The following SLC17A1 variants were observed in gnomAD, a reference collection of about 807,000 sequenced individuals.
SLC17A1 encodes solute carrier family 17 member 1, also known as sodium-dependent phosphate transport protein 1.
SLC17A1 carries 51 observed loss-of-function variants against 53.5 expected under a neutral mutation model. The ratio of observed to expected loss-of-function variants is 0.95; its 90% CI spans 0.76 to 1.20. The LOEUF (loss-of-function observed/expected upper bound fraction) is 1.20. Ranked by LOEUF, SLC17A1 falls within the 50% of genes most tolerant of loss-of-function variation. SLC17A1 has a pLI of 0.00. For synonymous variants in SLC17A1, 179 were observed against 198.8 expected, an observed-to-expected ratio of 0.90 and a Z score of 0.84; for missense variants, 538 against 568.2, an observed-to-expected ratio of 0.95 and a Z score of 0.54.
the SLC17A1 span, chr6:25,726,497 C>CT: frequency 2.5e-6 from 4 of 1,611,592 alleles, no homozygotes; most frequent in East Asian, 8.9e-5. Flanking sequence ...TTGGCGCGTG[C>CT]TTTTCCTCCC....
At chr6:25,795,951 A>C (rs1368924550) in intron 12 of SLC17A1, among the ~76,000 whole-genome samples, 1 of 152,216 alleles carries the variant, frequency 6.6e-6, no homozygotes, top group Non-Finnish European at 1.5e-5. Flanking sequence ...CATAAAAAGA[A>C]AAATGGATAG....
chr6:25,781,682 G>A (rs1380403081), downstream of SLC17A1, among the ~76,000 whole-genome samples: 3 of 152,126 alleles, frequency 2.0e-5, no homozygotes, highest in East Asian at 5.8e-4. Context: ...TGGTGAGACA[G>A]GAAGCTGGGA....
the SLC17A1 span, among the ~76,000 whole-genome samples, chr6:25,740,209 G>A: frequency 1.3e-5 from 2 of 152,092 alleles, no homozygotes; most frequent in Non-Finnish European, 2.9e-5. Flanking sequence ...ATTTTATGAA[G>A]AGAAATGTAA....
the SLC17A1 span, chr6:25,726,834 G>C: frequency 2.7e-6 from 4 of 1,500,692 alleles, no homozygotes; most frequent in Non-Finnish European, 3.6e-6. Context: ...TAATACTGAA[G>C]AGCTGTTGAG....
chr6:25,731,218 A>C, the SLC17A1 span, among the ~76,000 whole-genome samples: 2 of 152,222 alleles, frequency 1.3e-5, no homozygotes, highest in Admixed American at 1.3e-4. Context: ...AGTTAGCCTG[A>C]TCACTTTTCA....
the SLC17A1 span, chr6:25,726,135 C>A: frequency 6.6e-7 from 1 of 1,525,114 alleles, no homozygotes; most frequent in Non-Finnish European, 8.8e-7. Context: ...CCTTAAGTTA[C>A]TTGCTTTGGG....
chr6:25,827,041 CAG>C (rs1764774857), intron 2 of SLC17A1, among the ~76,000 whole-genome samples: 1 of 151,878 alleles, frequency 6.6e-6, no homozygotes, highest in African/African-American at 2.4e-5. Flanking sequence ...ATGCCCAATG[CAG>C]AGAAAAAAAT....
At chr6:25,831,523 T>G (rs764895559) in intron 1 of SLC17A1, among the ~76,000 whole-genome samples, 4 of 152,010 alleles carry the variant, frequency 2.6e-5, no homozygotes, top group Non-Finnish European at 4.4e-5. Flanking sequence ...ACATACAACA[T>G]AAACACATGG....
the SLC17A1 span, chr6:25,773,395 T>C: frequency 3.1e-6 from 5 of 1,613,296 alleles, no homozygotes; most frequent in East Asian, 1.1e-4. Context: ...GCTCAGCAGG[T>C]ACATTGAGGA....
At chr6:25,776,667 TTTC>T in the SLC17A1 span, 1 of 1,613,940 alleles carries the variant, frequency 6.2e-7, no homozygotes. Context: ...ACTGGCAGAC[TTTC>T]TTCTCTCCAG....
chr6:25,797,251 T>C (rs1328640073), intron 12 of SLC17A1, among the ~76,000 whole-genome samples: 1 of 152,234 alleles, frequency 6.6e-6, no homozygotes, highest in Admixed American at 6.5e-5. Context: ...CTCAGTTTCC[T>C]CAGCCTGTAT....
the SLC17A1 span, among the ~76,000 whole-genome samples, chr6:25,755,040 C>G: frequency 6.8e-5 from 6 of 88,496 alleles, no homozygotes; most frequent in South Asian, 1.3e-3. Flanking sequence ...CAGACAGACA[C>G]ACACACATAC....
At chr6:25,778,297 T>C (rs2151465550), downstream of SLC17A1, among the ~76,000 whole-genome samples, 1 of 152,082 alleles carries the variant, frequency 6.6e-6, no homozygotes, top group East Asian at 1.9e-4. Context: ...ATTCACTTAC[T>C]GGTGAAAAAC....
the SLC17A1 span, among the ~76,000 whole-genome samples, chr6:25,727,801 T>A: frequency 6.6e-6 from 1 of 151,922 alleles, no homozygotes; most frequent in Non-Finnish European, 1.5e-5. Context: ...TGGCGGTTCA[T>A]GAGGTTAAGA....
chr6:25,788,250 C>A (rs577912707), intron 12 of SLC17A1, among the ~76,000 whole-genome samples: 2 of 152,106 alleles, frequency 1.3e-5, no homozygotes, highest in African/African-American at 4.8e-5. Flanking sequence ...TGCCAAAGAG[C>A]ACATTTGAAA....
At chr6:25,726,989 A>C in the SLC17A1 span, 1 of 1,614,236 alleles carries the variant, frequency 6.2e-7, no homozygotes, top group South Asian at 1.1e-5. Context: ...AGAAAAAGGA[A>C]GGCAAAAAGC....
chr6:25,819,081 G>C lies in SLC17A1; in HGVS notation c.603C>G (p.Val201=). 1 of 1,597,684 alleles carries C rather than the reference G, an allele frequency of 6.3e-7. No individual in the cohort carries two copies. The highest frequency in any genetic ancestry group is 8.5e-7 in the Non-Finnish European group (1 of 1,174,814). The part of the protein sequence containing the change: ...VICESLGWPM[V]FYIFGACGCA... ...AAAGAGACTCACCAAAAATATAGAAGACCATGGGCCAGCCCAGAGATTCAC... is the reference window on the plus strand; with the variant it reads ...AAAGAGACTCACCAAAAATATAGAACACCATGGGCCAGCCCAGAGATTCAC... Residue 201 remains valine, a synonymous_variant, in exon 6 of 13, where the codon GTC becomes GTG. Coordinates refer to ENST00000244527, the MANE Select transcript of SLC17A1 (RefSeq NM_005074.5).
chr6:25,731,837 C>T, the SLC17A1 span: 1 of 1,602,622 alleles, frequency 6.2e-7, no homozygotes, highest in Non-Finnish European at 8.5e-7. Context: ...ACACAACGTG[C>T]TTGGCTAGTT....
At chr6:25,800,380 A>G (rs1161215572) in intron 11 of SLC17A1, among the ~76,000 whole-genome samples, 2 of 152,040 alleles carry the variant, frequency 1.3e-5, no homozygotes, top group African/African-American at 2.4e-5. Flanking sequence ...CTTTTTTTGC[A>G]GATGAGGCAT....
Sources: allele counts gnomAD v4.1 joint callset (sites outside exome capture counted in the v4.1 genomes callset), GRCh38; gene constraint gnomAD v4.1.1; transcripts MANE v1.5; gene names NCBI Gene and HGNC (gene_info 2026-07-23, HGNC 2026-07-21).